Variants in NT5C3A observed in about 807,000 individuals in gnomAD.
NT5C3A encodes 5'-nucleotidase, cytosolic IIIA.
A neutral mutation model predicts 40.0 loss-of-function variants in NT5C3A; 23 were observed. The ratio of observed to expected loss-of-function variants is 0.58; its 90% CI spans 0.41 to 0.81. The LOEUF is 0.81. Ranked by LOEUF, NT5C3A falls within the 40% of genes least tolerant of loss-of-function variation. The pLI is 0.00. For missense variants in NT5C3A, 328 were observed against 403.0 expected (o/e 0.81, Z 1.59); for synonymous variants, 130 against 141.4 (o/e 0.92, Z 0.57).
Position 33,018,844 on chromosome 7 carries a change from GAAA to G in NT5C3A, c.530+788_530+790del, listed in dbSNP as rs112549232. ...GCGAGACTCCATCTCAAAAAAAAAA[GAAA>G]AAAAAAAGCTTCTTGTATCTTATAA... On this transcript the variant is annotated intron_variant, in intron 6 of 8. Transcript: ENST00000610140. Among the ~76,000 whole-genome samples, 336 of 142,944 alleles carry G rather than the reference GAAA, an allele frequency of 2.4e-3. 1 individual carries two copies. The highest frequency in any genetic ancestry group is 8.2e-3 in the African/African-American group (321 of 38,918). 93.8% of individuals were successfully genotyped at this position (142,944 alleles called of 152,430 possible). A position where few individuals can be genotyped will look rare whatever the true frequency, so the allele number is the denominator to read the frequency against.
At chr7:33,029,399 G>A (rs1583919745) in intron 1 of NT5C3A, 2 of 334,048 alleles carry the variant, frequency 6.0e-6, no homozygotes, top group East Asian at 1.6e-4. Flanking sequence ...CTGCTGTTTT[G>A]GAATATCACT....
At chr7:33,026,938 T>A in intron 1 of NT5C3A, 23 bp from the exon 2 acceptor site, 1 of 1,512,824 alleles carries the variant, frequency 6.6e-7, no homozygotes. Flanking sequence ...GAAAATTAAT[T>A]AATTAGTTTT....
At chr7:33,050,030 A>G (rs1296359876) in intron 1 of NT5C3A, among the ~76,000 whole-genome samples, 3 of 152,058 alleles carry the variant, frequency 2.0e-5, no homozygotes, top group Non-Finnish European at 2.9e-5. Context: ...ACCTGCTTAA[A>G]TTACCCAAAC....
At chr7:33,060,352 C>T (rs989325684) in intron 1 of NT5C3A, among the ~76,000 whole-genome samples, 2 of 146,448 alleles carry the variant, frequency 1.4e-5, no homozygotes, top group Non-Finnish European at 3.0e-5. Flanking sequence ...GATCCCATTC[C>T]GTATCTTGCT....
intron 1 of NT5C3A, among the ~76,000 whole-genome samples, chr7:33,049,797 G>A (rs564172915): frequency 1.3e-4 from 20 of 151,380 alleles, no homozygotes; most frequent in Non-Finnish European, 2.4e-4. Context: ...GTGAAACCCC[G>A]TCTCTACTAA....
intron 1 of NT5C3A, among the ~76,000 whole-genome samples, chr7:33,053,564 G>GC (rs570010647): frequency 3.2e-4 from 4 of 12,386 alleles, no homozygotes; most frequent in African/African-American, 1.4e-3. Flanking sequence ...GGGAGGCTGA[G>GC]GGGGGAAGAC....
intron 1 of NT5C3A, among the ~76,000 whole-genome samples, chr7:33,040,335 T>C (rs1366749555): frequency 6.6e-6 from 1 of 152,270 alleles, no homozygotes; most frequent in African/African-American, 2.4e-5. Context: ...ATTTTCAATA[T>C]ATAATTTGTT....
chr7:33,020,304 A>G (rs1389955261), intron 5 of NT5C3A, among the ~76,000 whole-genome samples: 2 of 151,834 alleles, frequency 1.3e-5, no homozygotes, highest in Non-Finnish European at 2.9e-5. Context: ...CGAAAAGAAA[A>G]AAAAGCCTAA....
At chr7:33,058,061 T>C (rs1490919134) in intron 1 of NT5C3A, among the ~76,000 whole-genome samples, 1 of 152,230 alleles carries the variant, frequency 6.6e-6, no homozygotes, top group Non-Finnish European at 1.5e-5. Flanking sequence ...TGAATTCTAG[T>C]CTCATCCTCT....
At chr7:33,038,774 A>G in intron 1 of NT5C3A, 1 of 444,262 alleles carries the variant, frequency 2.3e-6, no homozygotes, top group Non-Finnish European at 4.5e-6. Context: ...TTTTAAACCA[A>G]TAGGCTTGTA....
intron 1 of NT5C3A, among the ~76,000 whole-genome samples, chr7:33,034,907 G>T (rs1786498781): frequency 6.6e-6 from 1 of 152,136 alleles, no homozygotes; most frequent in Non-Finnish European, 1.5e-5. Flanking sequence ...TAAAAGAAAG[G>T]ATTATTTTTA....
intron 1 of NT5C3A, among the ~76,000 whole-genome samples, chr7:33,059,541 AAAT>A (rs1787699827): frequency 6.6e-6 from 1 of 152,224 alleles, no homozygotes; most frequent in Non-Finnish European, 1.5e-5. Flanking sequence ...TAATGATCAC[AAAT>A]AATAAGCTCT....
chr7:33,025,385 T>C (rs113223790), intron 2 of NT5C3A, among the ~76,000 whole-genome samples: 10 of 152,272 alleles, frequency 6.6e-5, no homozygotes, highest in Middle Eastern at 3.4e-3. Flanking sequence ...TGAATGCACA[T>C]TGAAATAGCT....
intron 3 of NT5C3A, chr7:33,023,836 G>C: frequency 1.8e-6 from 1 of 559,102 alleles, no homozygotes; most frequent in Non-Finnish European, 3.2e-6. Context: ...GATTCCCTTT[G>C]CTACCAAAAC....
intron 1 of NT5C3A, among the ~76,000 whole-genome samples, chr7:33,042,819 T>C (rs112663514): frequency 2.6e-5 from 4 of 152,324 alleles, no homozygotes; most frequent in African/African-American, 7.2e-5. Flanking sequence ...CCAGGACGTA[T>C]ACTGCAAATT....
At chr7:33,021,904 C>G in intron 4 of NT5C3A, 149 bp downstream of exon 4, 1 of 623,682 alleles carries the variant, frequency 1.6e-6, no homozygotes, top group South Asian at 1.9e-5. Flanking sequence ...ATACAGCAAA[C>G]CTACTATTTA....
At chr7:33,029,520 AT>A in intron 1 of NT5C3A, 1 of 526,240 alleles carries the variant, frequency 1.9e-6, no homozygotes, top group Non-Finnish European at 3.3e-6. Flanking sequence ...CATATGTTTG[AT>A]TCAATAACCA....
chr7:33,025,099 A>C (rs1372553674), intron 2 of NT5C3A, among the ~76,000 whole-genome samples: 2 of 152,190 alleles, frequency 1.3e-5, no homozygotes, highest in Non-Finnish European at 2.9e-5. Flanking sequence ...AGATCATGCC[A>C]CTACACTCCA....
In NT5C3A at chr7:33,015,736, G is replaced by A. The variant is rs769406587; in HGVS notation, c.828C>T (p.Asp276=). The change falls in exon 8 of 9, where the codon GAC becomes GAT. Residue 276 remains aspartate, a synonymous_variant. Transcript: ENST00000610140. ...NIILLGDSQG[D]LRMADGVANV... is the part of the protein sequence containing the mutation. ...TGGCCACTCCATCTGCCATTCTTAAGTCTCCTTGGGAGTCTCCCAGAAGAA... is the reference window on the plus strand; with the variant it reads ...TGGCCACTCCATCTGCCATTCTTAAATCTCCTTGGGAGTCTCCCAGAAGAA... The A allele has an allele frequency of 4.3e-6, 7 of 1,611,792 alleles. No homozygotes were observed. The highest frequency in any genetic ancestry group is 5.9e-6 in the Non-Finnish European group (7 of 1,178,080).
Sources: gnomAD v4.1 joint callset for allele counts (sites outside exome capture counted in the v4.1 genomes callset) on GRCh38, gnomAD v4.1.1 for gene constraint, MANE v1.5 for transcripts, NCBI Gene and HGNC (gene_info 2026-07-23, HGNC 2026-07-21) for gene names.